Variants in LIME1 observed in about 807,000 individuals in gnomAD.
The protein encoded by LIME1 is Lck interacting transmembrane adaptor 1.
A neutral mutation model predicts 18.8 loss-of-function variants in LIME1; 23 were observed. The observed-to-expected ratio is 1.22, with a 90% CI of 0.88 to 1.73. The LOEUF is 1.73. Among genes scored for constraint, LIME1 ranks in the 40% most tolerant of loss-of-function variants. The probability of loss-of-function intolerance (pLI) is 0.00; values close to 1 mark genes in which losing one functional copy is unlikely to be tolerated. For synonymous variants in LIME1, 177 were observed against 182.3 expected (o/e 0.97, Z 0.23); for missense variants, 423 against 396.8 (o/e 1.07, Z -0.56).
chr20:63,738,821 G>A lies in LIME1; in HGVS notation c.809G>A (p.Cys270Tyr), dbSNP rs1568809358. Residue 270 changes from cysteine to tyrosine, a missense_variant, in exon 6 of 6, where the codon TGC becomes TAC. Transcript: ENST00000309546. ...GACCCTGCTGGCAGGAGCAGCACGT[G>A]CGGGGCTGGGACGCCCCCTGCTTCC... ...LGDPAGRSST[C>Y]GAGTPPASSC... 1 of 1,612,130 alleles carries A rather than the reference G, an allele frequency of 6.2e-7. No individual in the cohort carries two copies. The highest frequency in any genetic ancestry group is 8.5e-7 in the Non-Finnish European group (1 of 1,179,684).
Position 63,738,963 on chromosome 20 carries a change from A to C in LIME1, c.*63A>C. 7.2e-7 allele frequency: 1 copy of C among 1,395,278 alleles called. No homozygotes were observed. The highest frequency in any genetic ancestry group is 2.6e-5 in the East Asian group (1 of 38,794). 86.4% of individuals were successfully genotyped at this position (1,395,278 alleles called of 1,614,324 possible). A position where few individuals can be genotyped will look rare whatever the true frequency, so the allele number is the denominator to read the frequency against. The stretch of plus-strand genomic sequence containing the variant: ...CCCGTCCCCCGCCCCGCCCCGCCTC[A>C]CAGCTGACAGCGCCAGTCCCAGGTC... On this transcript the variant is annotated 3_prime_UTR_variant, in exon 6 of 6. Coordinates refer to ENST00000309546, the MANE Select transcript of LIME1 (RefSeq NM_017806.4).
rs765554112 is a variant in LIME1 at position 63,738,237 on chromosome 20, G to C, written c.323G>C (p.Arg108Thr). ...CGCCCACACTGGCTGGAGGTGTCCA[G>C]GGACATCACCGGACCGCAGGCAGCC... ...LLRPHWLEVS[R>T]DITGPQAAPS... The change falls in exon 5 of 6, where the codon AGG becomes ACG. Residue 108 changes from arginine (R) to threonine (T), a missense_variant. By Grantham distance (71) the Arg-to-Thr change is moderately conservative. Coordinates refer to ENST00000309546, the MANE Select transcript of LIME1 (RefSeq NM_017806.4). The C allele has an allele frequency of 4.4e-6, 7 of 1,591,418 alleles. No individual in the cohort carries two copies. Among genetic ancestry groups the C allele is most frequent in the South Asian group, 1.1e-5 (1 of 88,522 alleles).
In LIME1 at chr20:63,737,547, A is replaced by G. The variant is rs183892851; in HGVS notation, c.-3A>G. ...TCTGTCCCCAGGGCCTCGGCTTCAC[A>G]GGATGGGGCTGCCAGTGTCCTGGGC... On this transcript the variant is annotated 5_prime_UTR_variant, in exon 2 of 6. Coordinates refer to ENST00000309546, the MANE Select transcript of LIME1 (RefSeq NM_017806.4). 1,171 of 1,556,204 alleles carry G rather than the reference A, an allele frequency of 7.5e-4. 33 individuals carry two copies. In the East Asian group the frequency reaches 0.028, roughly 37 times the overall value.
upstream of LIME1, chr20:63,735,878 C>T (rs1422006131): frequency 6.2e-7 from 1 of 1,612,898 alleles, no homozygotes; most frequent in Non-Finnish European, 8.5e-7. Flanking sequence ...GCAGCAGGAG[C>T]AGAGGAAGGC....
upstream of LIME1, chr20:63,736,163 T>G: frequency 1.8e-6 from 1 of 560,330 alleles, no homozygotes; most frequent in South Asian, 2.1e-5. Flanking sequence ...ATCAGCTGGC[T>G]GCAGGGTCTC....
In LIME1 at chr20:63,738,822, C is replaced by CG; in HGVS notation, c.814dup (p.Ala272GlyfsTer37). ...ACCCTGCTGGCAGGAGCAGCACGTG[C>CG]GGGGCTGGGACGCCCCCTGCTTCCA... On this transcript the variant is annotated frameshift_variant, in exon 6 of 6. Transcript: ENST00000309546. LOFTEE classifies it low-confidence loss of function (END_TRUNC). 6.2e-7 allele frequency: 1 copy of CG among 1,611,972 alleles called. No individual in the cohort carries two copies.
chr20:63,736,037 G>C, upstream of LIME1: 2 of 1,423,384 alleles, frequency 1.4e-6, no homozygotes, highest in South Asian at 2.8e-5. Flanking sequence ...ACACTGCTGA[G>C]TGGAGACAGA....
At chr20:63,736,346 C>T (rs1021634774), upstream of LIME1, 8 of 179,184 alleles carry the variant, frequency 4.5e-5, no homozygotes, top group African/African-American at 4.8e-5. Context: ...GCTGCTCCAG[C>T]GGGCGAGACG....
In LIME1 at chr20:63,738,890, C is replaced by T; in HGVS notation, c.878C>T (p.Ser293Phe). The T allele has an allele frequency of 6.2e-7, 1 of 1,601,710 alleles. No homozygotes were observed. Among genetic ancestry groups the T allele is most frequent in the Non-Finnish European group, 8.5e-7 (1 of 1,174,854 alleles). The change falls in exon 6 of 6, where the codon TCC becomes TTC. Residue 293 changes from serine to phenylalanine, a missense_variant. By Grantham distance (155) the Ser-to-Phe change is radical. Transcript: ENST00000309546. The stretch of plus-strand genomic sequence containing the variant: ...AGGGGCTGGAGACCCCTCCCTGCCT[C>T]CCTGCCCTGAACACTCAAGGACCTG... ...LGRGWRPLPA[S>F]LP
At chr20:63,737,799 G>GC in intron 2 of LIME1, 22 bp from the exon 3 acceptor site, 1 of 672,196 alleles carries the variant, frequency 1.5e-6, no homozygotes, top group East Asian at 5.3e-5. Context: ...CCCGCCCCCC[G>GC]CCCCCCACCT....
chr20:63,736,488 T>C (rs2091991417), upstream of LIME1: 3 of 388,026 alleles, frequency 7.7e-6, no homozygotes, highest in African/African-American at 2.2e-5. Flanking sequence ...AGTTAGGCTG[T>C]CAGAACAGTG....
chr20:63,735,905 A>T (rs1435216834), upstream of LIME1: 1 of 1,612,530 alleles, frequency 6.2e-7, no homozygotes, highest in Non-Finnish European at 8.5e-7. Context: ...CCACAAGAAG[A>T]TGACTGAGTT....
rs879804105 is a variant in LIME1, at chr20:63,738,876, ACCCCTCCCTGCCTCCCTG to A, written c.868_885del (p.Leu290_Pro295del). ...GCCCCAGCCTAGGGAGGGGCTGGAG[ACCCCTCCCTGCCTCCCTG>A]CCCTGAACACTCAAGGACCTGTGCT... On this transcript the variant is annotated inframe_deletion, in exon 6 of 6. Transcript: ENST00000309546. 12 of 1,605,398 alleles carry A rather than the reference ACCCCTCCCTGCCTCCCTG, an allele frequency of 7.5e-6. No individual in the cohort carries two copies. Among genetic ancestry groups the A allele is most frequent in the Non-Finnish European group, 1.0e-5 (12 of 1,176,712 alleles).
At chr20:63,737,140 G>A in intron 1 of LIME1, 1 of 1,001,566 alleles carries the variant, frequency 1.0e-6, no homozygotes, top group Non-Finnish European at 1.2e-6. Flanking sequence ...ACCTGACACA[G>A]GAGACCATGT....
intron 1 of LIME1, chr20:63,737,110 G>A (rs2091998927): frequency 3.0e-6 from 3 of 991,176 alleles, no homozygotes; most frequent in Non-Finnish European, 3.6e-6. Flanking sequence ...GGGCTCCGCA[G>A]CGAGCGGCTT....
In LIME1 at chr20:63,737,619, C is replaced by G. The variant is rs778967524; in HGVS notation, c.70C>G (p.Leu24Val). 3.1e-6 allele frequency: 5 copies of G among 1,600,276 alleles called. No individual in the cohort carries two copies. Among genetic ancestry groups the G allele is most frequent in the Non-Finnish European group, 3.4e-6 (4 of 1,174,886 alleles). Reference protein sequence around the residue: ...VLGCCALLLSLWALCTACRRP... With the variant: ...VLGCCALLLSVWALCTACRRP... ...AGGGTGCTGCGCCCTGCTCCTCTCG[C>G]TGTGGGCGCTGTGCACAGCCTGCCG... Residue 24 changes from leucine (L) to valine (V), a missense_variant, in exon 2 of 6, where the codon CTG becomes GTG. Coordinates refer to ENST00000309546, the MANE Select transcript of LIME1 (RefSeq NM_017806.4).
Position 63,738,944 on chromosome 20 carries a change from C to T in LIME1, c.*44C>T. The T allele has an allele frequency of 2.1e-6, 3 of 1,414,082 alleles. No individual in the cohort carries two copies. The highest frequency in any genetic ancestry group is 1.9e-6 in the Non-Finnish European group (2 of 1,065,844). 87.6% of individuals were successfully genotyped at this position (1,414,082 alleles called of 1,614,324 possible). ...TCCTTCCTCCAGAGTGAGGCCCGTCCCCCGCCCCGCCCCGCCTCACAGCTG... is the reference window on the plus strand; with the variant it reads ...TCCTTCCTCCAGAGTGAGGCCCGTCTCCCGCCCCGCCCCGCCTCACAGCTG... On this transcript the variant is annotated 3_prime_UTR_variant, in exon 6 of 6. Transcript: ENST00000309546.
chr20:63,737,741 A>G, intron 2 of LIME1, 80 bp from the exon 3 acceptor site: 1 of 1,416,494 alleles, frequency 7.1e-7, no homozygotes, highest in East Asian at 2.7e-5. Context: ...CCGCGCACCC[A>G]GCTCGGCACG....
rs1486193742 is a variant in LIME1, at chr20:63,737,994, C to A, written c.202C>A (p.Leu68Ile). 6.4e-7 allele frequency: 1 copy of A among 1,570,676 alleles called. No individual in the cohort carries two copies. The change falls in exon 4 of 6, where the codon CTC becomes ATC. Residue 68 changes from leucine to isoleucine, a missense_variant. Leu to Ile is a conservative substitution (Grantham distance 5). Transcript: ENST00000309546. ...AEASLLRRTHLCSLSKSDTRL... is the reference protein window; with the variant it reads ...AEASLLRRTHICSLSKSDTRL... ...CCAGTCCCTACTGAGGCGGACCCAC[C>A]TCTGCTCCCTCAGCAAGTCGGACAC...
Sources: allele counts gnomAD v4.1 joint callset, GRCh38; gene constraint gnomAD v4.1.1; transcripts MANE v1.5; gene names NCBI Gene and HGNC (gene_info 2026-07-23, HGNC 2026-07-21).